Variants in RBFOX1 observed in about 807,000 individuals in gnomAD.
The protein encoded by RBFOX1 is RNA binding protein fox-1 homolog 1.
A neutral mutation model predicts 57.7 loss-of-function variants in RBFOX1; 8 were observed. That is an observed-to-expected ratio of 0.14 (90% CI 0.08 to 0.25). The LOEUF (loss-of-function observed/expected upper bound fraction) is 0.25, where lower values mean the gene tolerates loss of function less well. RBFOX1 is among the 10% of genes least tolerant of loss of function. RBFOX1 has a pLI of 1.00. For synonymous variants in RBFOX1, 326 were observed against 222.4 expected (o/e 1.47, Z -4.15); for missense variants, 611 against 548.5 (o/e 1.11, Z -1.14).
At chr16:6,587,117 C>G (rs1483936354) in intron 2 of RBFOX1, among the ~76,000 whole-genome samples, 6 of 152,074 alleles carry the variant, frequency 3.9e-5, no homozygotes, top group Non-Finnish European at 7.3e-5. Context: ...TACAACAGGT[C>G]TGTTGGATTT....
intron 2 of RBFOX1, among the ~76,000 whole-genome samples, chr16:6,597,574 G>T (rs947550858): frequency 6.6e-6 from 1 of 152,138 alleles, no homozygotes; most frequent in African/African-American, 2.4e-5. Flanking sequence ...TCGGGAGGCT[G>T]AGGCAGGAGA....
rs186740288 is a variant in RBFOX1 at position 5,497,262 on chromosome 16, T to C, written c.258+30008T>C. ...TTGAAATCCTTTGGGATATTTTTTT[T>C]TTCTCAGATAACACAAGCACTTCTC... is the stretch of plus-strand genomic sequence containing the variant. On this transcript the variant is annotated intron_variant, in intron 2 of 2. Transcript: ENST00000585867. Among the ~76,000 whole-genome samples the C allele has an allele frequency of 1.4e-3, 209 of 152,228 alleles. 1 individual carries two copies. Among genetic ancestry groups the C allele is most frequent in the African/African-American group, 4.9e-3 (205 of 41,522 alleles).
chr16:6,823,614 C>T (rs1033159439), intron 3 of RBFOX1, among the ~76,000 whole-genome samples: 8 of 152,114 alleles, frequency 5.3e-5, no homozygotes, highest in African/African-American at 1.9e-4. Context: ...GAATATTCCA[C>T]CAGTTTTCCT....
intron 2 of RBFOX1, among the ~76,000 whole-genome samples, chr16:6,564,265 C>T (rs1422019275): frequency 2.0e-5 from 3 of 152,082 alleles, no homozygotes; most frequent in African/African-American, 7.2e-5. Context: ...ATGGAACATG[C>T]TCTATGGTTT....
At chr16:6,816,923 T>G (rs771215976) in intron 3 of RBFOX1, among the ~76,000 whole-genome samples, 1 of 151,944 alleles carries the variant, frequency 6.6e-6, no homozygotes, top group African/African-American at 2.4e-5. Context: ...TTTTTTGTAT[T>G]TTTTGGAGAG....
intron 2 of RBFOX1, among the ~76,000 whole-genome samples, chr16:6,562,576 A>G (rs2097192563): frequency 6.6e-6 from 1 of 152,186 alleles, no homozygotes; most frequent in African/African-American, 2.4e-5. Flanking sequence ...TGGATATTTC[A>G]CTAATAGGTT....
At chr16:6,906,243 C>CCA (rs1567816158) in intron 3 of RBFOX1, among the ~76,000 whole-genome samples, 1 of 151,862 alleles carries the variant, frequency 6.6e-6, no homozygotes, top group African/African-American at 2.4e-5. Flanking sequence ...TTTATTACCC[C>CCA]CCCCCAAAAT....
intron 4 of RBFOX1, among the ~76,000 whole-genome samples, chr16:7,322,805 CTAA>C (rs1254579096): frequency 6.6e-6 from 1 of 152,156 alleles, no homozygotes; most frequent in Non-Finnish European, 1.5e-5. Context: ...AAAGGGCAAC[CTAA>C]TAATCTCTTT....
intron 3 of RBFOX1, among the ~76,000 whole-genome samples, chr16:6,733,443 T>G (rs1214260881): frequency 5.3e-5 from 8 of 152,170 alleles, no homozygotes; most frequent in Admixed American, 4.6e-4. Flanking sequence ...TTCCTGAAAA[T>G]TAAATTAAAA....
chr16:7,045,223 TG>T (rs2047500285), intron 3 of RBFOX1, among the ~76,000 whole-genome samples: 1 of 152,016 alleles, frequency 6.6e-6, no homozygotes, highest in Admixed American at 6.6e-5. Context: ...TGGAGTATGG[TG>T]GTGGTGGTGG....
At chr16:6,085,022 C>T (rs1416469750) in intron 1 of RBFOX1, among the ~76,000 whole-genome samples, 1 of 152,110 alleles carries the variant, frequency 6.6e-6, no homozygotes, top group Non-Finnish European at 1.5e-5. Context: ...TGTGAGAATT[C>T]ACTTCTGTCC....
At chr16:7,469,226 A>AT (rs56313692) in intron 4 of RBFOX1, among the ~76,000 whole-genome samples, 77,241 of 150,240 alleles carry the variant, frequency 0.51, 20,095 homozygotes, top group East Asian at 0.77. Context: ...GAGCCACCTA[A>AT]TTTTTTTTTT....
chr16:5,762,933 G>C (rs192579225), intron 3 of RBFOX1, among the ~76,000 whole-genome samples: 60 of 152,292 alleles, frequency 3.9e-4, no homozygotes, highest in African/African-American at 1.4e-3. Flanking sequence ...AGCAATATGT[G>C]AAAAGCAGTT....
intron 4 of RBFOX1, among the ~76,000 whole-genome samples, chr16:7,320,087 G>T (rs986708349): frequency 6.6e-6 from 1 of 152,114 alleles, no homozygotes; most frequent in African/African-American, 2.4e-5. Flanking sequence ...TAATTTTATT[G>T]TAAGTTGCAG....
intron 3 of RBFOX1, among the ~76,000 whole-genome samples, chr16:5,776,521 G>T (rs960528987): frequency 6.6e-6 from 1 of 152,296 alleles, no homozygotes; most frequent in African/African-American, 2.4e-5. Context: ...AATAATAAGG[G>T]TTGGTATTTA....
intron 3 of RBFOX1, among the ~76,000 whole-genome samples, chr16:6,987,890 G>A (rs557082850): frequency 2.0e-5 from 3 of 152,068 alleles, no homozygotes; most frequent in Non-Finnish European, 4.4e-5. Context: ...ATCCCTATTC[G>A]GGTCAGAAAT....
chr16:7,217,539 C>G (rs928347010), intron 4 of RBFOX1, among the ~76,000 whole-genome samples: 2 of 151,890 alleles, frequency 1.3e-5, no homozygotes, highest in African/African-American at 4.8e-5. Flanking sequence ...TCCAACCCCT[C>G]GTCCATCACT....
At chr16:7,652,079 G>A (rs184225430) in intron 11 of RBFOX1, among the ~76,000 whole-genome samples, 1 of 151,120 alleles carries the variant, frequency 6.6e-6, no homozygotes, top group South Asian at 2.1e-4. Flanking sequence ...GGTAACCGGG[G>A]TAACCATCAG....
At chr16:6,988,313 C>T (rs922584854) in intron 3 of RBFOX1, among the ~76,000 whole-genome samples, 2 of 152,066 alleles carry the variant, frequency 1.3e-5, no homozygotes, top group Admixed American at 1.3e-4. Flanking sequence ...ATTGGAGTTT[C>T]CTGTGATGAT....
Sources: allele counts gnomAD v4.1 joint callset (sites outside exome capture counted in the v4.1 genomes callset), GRCh38; gene constraint gnomAD v4.1.1; transcripts MANE v1.5; gene names NCBI Gene and HGNC (gene_info 2026-07-23, HGNC 2026-07-21).